The following NT5C3A variants were observed in gnomAD, a reference collection of about 807,000 sequenced individuals.
NT5C3A encodes the protein cytosolic 5'-nucleotidase 3A.
Under a neutral mutation model 40.0 loss-of-function variants are expected in NT5C3A, and 23 were observed. The observed-to-expected ratio is 0.58, with a 90% CI of 0.41 to 0.81. The LOEUF (loss-of-function observed/expected upper bound fraction) is 0.81. Ranked by LOEUF, NT5C3A falls within the 40% of genes least tolerant of loss-of-function variation. The pLI, the probability that NT5C3A is intolerant of heterozygous loss-of-function variation, is 0.00. For missense variants in NT5C3A, 328 were observed against 403.0 expected (o/e 0.81, Z 1.59); for synonymous variants, 130 against 141.4 (o/e 0.92, Z 0.57).
chr7:33,035,461 G>C (rs1488308537), intron 1 of NT5C3A, among the ~76,000 whole-genome samples: 2 of 152,090 alleles, frequency 1.3e-5, no homozygotes, highest in Admixed American at 6.5e-5. Flanking sequence ...CCAAAGTGCT[G>C]GGATTACAGG....
In NT5C3A at chr7:33,024,121, A is replaced by G. The variant is rs1785787420; in HGVS notation, c.238-13T>C. 7 of 1,476,142 alleles carry G rather than the reference A, an allele frequency of 4.7e-6. No individual in the cohort carries two copies. The highest frequency in any genetic ancestry group is 1.7e-5 in the Admixed American group (1 of 59,382). The allele number at this position is 1,476,142 out of a possible 1,614,324, so 91.4% of individuals were successfully genotyped here. On this transcript the variant is annotated splice_polypyrimidine_tract_variant and intron_variant, in intron 2 of 8. Transcript: ENST00000610140. ...AGTCCGTTATTATCTGTAAGAAAAG[A>G]GTGAAATGCATTATTGTAAACATAG...
intron 5 of NT5C3A, among the ~76,000 whole-genome samples, chr7:33,019,968 G>C (rs1785537017): frequency 6.6e-6 from 1 of 152,184 alleles, no homozygotes; most frequent in African/African-American, 2.4e-5. Flanking sequence ...GTAAGGTAAT[G>C]AAAGGAAACT....
At chr7:33,015,642 G>A (rs565429644) in intron 8 of NT5C3A, 28 bp downstream of exon 8, 12 of 1,467,426 alleles carry the variant, frequency 8.2e-6, no homozygotes, top group East Asian at 6.8e-5. Flanking sequence ...TATTTTCTTC[G>A]AAAAAAATTA....
intron 1 of NT5C3A, among the ~76,000 whole-genome samples, chr7:33,042,821 C>A (rs1256266143): frequency 6.6e-6 from 1 of 152,148 alleles, no homozygotes; most frequent in Non-Finnish European, 1.5e-5. Flanking sequence ...AGGACGTATA[C>A]TGCAAATTTG....
Position 33,021,286 on chromosome 7 carries a change from A to T in NT5C3A, c.426T>A (p.Pro142=). 1 of 1,612,514 alleles carries T rather than the reference A, an allele frequency of 6.2e-7. No individual in the cohort carries two copies. Among genetic ancestry groups the T allele is most frequent in the Non-Finnish European group, 8.5e-7 (1 of 1,178,944 alleles). The stretch of plus-strand genomic sequence containing the variant: ...TATACACTTACCATTCCACCATATA[A>T]GGGTACTTCTCTTCTACAGTAAGAA... The part of the protein sequence containing the change: ...DPVLTVEEKY[P]YMVEWYTKSH... The change falls in exon 5 of 9, where the codon CCT becomes CCA. Residue 142 remains proline, a synonymous_variant. Coordinates refer to ENST00000610140, the MANE Select transcript of NT5C3A (RefSeq NM_001002010.5).
At chr7:33,059,165 T>C (rs1465458886) in intron 1 of NT5C3A, among the ~76,000 whole-genome samples, 1 of 152,254 alleles carries the variant, frequency 6.6e-6, no homozygotes, top group African/African-American at 2.4e-5. Flanking sequence ...ATTGAGAGGC[T>C]AGACATTAGG....
At chr7:33,041,493 TA>T (rs1180005727) in intron 1 of NT5C3A, among the ~76,000 whole-genome samples, 2 of 151,824 alleles carry the variant, frequency 1.3e-5, no homozygotes, top group Non-Finnish European at 2.9e-5. Flanking sequence ...TTACCACTAT[TA>T]AAAAAAAGAT....
At chr7:33,035,137 A>G (rs1220706701) in intron 1 of NT5C3A, among the ~76,000 whole-genome samples, 1 of 152,018 alleles carries the variant, frequency 6.6e-6, no homozygotes, top group East Asian at 1.9e-4. Context: ...CCCATTTCTT[A>G]AAGGTAAGAT....
intron 1 of NT5C3A, among the ~76,000 whole-genome samples, chr7:33,031,466 T>C (rs1472108820): frequency 2.0e-5 from 3 of 151,852 alleles, no homozygotes; most frequent in African/African-American, 7.3e-5. Context: ...TGCACATCTG[T>C]AGTCCCAGAT....
rs776558761 is a variant in NT5C3A, at chr7:33,017,606, A to G, written c.531-5T>C. 5 of 1,609,350 alleles carry G rather than the reference A, an allele frequency of 3.1e-6. No individual in the cohort carries two copies. The highest frequency in any genetic ancestry group is 4.3e-6 in the Non-Finnish European group (5 of 1,175,654). On this transcript the variant is annotated splice_polypyrimidine_tract_variant and splice_region_variant and intron_variant, in intron 6 of 8. Coordinates refer to ENST00000610140, the MANE Select transcript of NT5C3A (RefSeq NM_001002010.5). ...AAGAAATTCTCATATCCTTCTCTGT[A>G]AGATGGAGATAACAAACTGGTTATT...
At chr7:33,033,684 G>A (rs961736668) in intron 1 of NT5C3A, among the ~76,000 whole-genome samples, 6 of 152,052 alleles carry the variant, frequency 3.9e-5, no homozygotes, top group Non-Finnish European at 5.9e-5. Flanking sequence ...AAGAGAAACA[G>A]GATTTAGATA....
At chr7:33,048,675 C>A (rs185448155) in intron 1 of NT5C3A, among the ~76,000 whole-genome samples, 18 of 152,258 alleles carry the variant, frequency 1.2e-4, no homozygotes. Context: ...GCCTCCAAGA[C>A]CCCCGGGTCA....
At chr7:33,028,226 A>G (rs924091261) in intron 1 of NT5C3A, among the ~76,000 whole-genome samples, 3 of 152,186 alleles carry the variant, frequency 2.0e-5, no homozygotes, top group Admixed American at 1.3e-4. Context: ...ACTGGAGCCC[A>G]GGAGTTTGAG....
intron 1 of NT5C3A, among the ~76,000 whole-genome samples, chr7:33,040,664 T>C (rs554269666): frequency 1.3e-5 from 2 of 152,340 alleles, no homozygotes; most frequent in Non-Finnish European, 2.9e-5. Context: ...ACATATAAAA[T>C]GTAATTTCTG....
chr7:33,057,922 C>G (rs1199967976), intron 1 of NT5C3A, among the ~76,000 whole-genome samples: 2 of 152,222 alleles, frequency 1.3e-5, no homozygotes, highest in Non-Finnish European at 2.9e-5. Flanking sequence ...ACTACACATT[C>G]ATTCTAGTGT....
chr7:33,046,993 C>CG (rs11382972), intron 1 of NT5C3A, among the ~76,000 whole-genome samples: 106,518 of 146,002 alleles, frequency 0.73, 39,206 homozygotes, highest in African/African-American at 0.81. Context: ...TTTTAAGAGT[C>CG]GGGTCTTGCT....
chr7:33,031,213 A>G (rs1191000105), intron 1 of NT5C3A, among the ~76,000 whole-genome samples: 2 of 152,124 alleles, frequency 1.3e-5, no homozygotes, highest in East Asian at 1.9e-4. Flanking sequence ...GGATAATCCT[A>G]ATTTCCAGGA....
chr7:33,059,677 T>C (rs1787703985), intron 1 of NT5C3A, among the ~76,000 whole-genome samples: 1 of 152,228 alleles, frequency 6.6e-6, no homozygotes, highest in Non-Finnish European at 1.5e-5. Context: ...AGAGGTTAAG[T>C]AATTTGCCCA....
At chr7:33,019,847 A>G (rs1324300623) in intron 5 of NT5C3A, 123 bp from the exon 6 acceptor site, 18 of 684,468 alleles carry the variant, frequency 2.6e-5, no homozygotes, top group Admixed American at 8.8e-5. Context: ...TAAATTTTAG[A>G]GATTGAAGTT....
Sources: allele counts gnomAD v4.1 joint callset (sites outside exome capture counted in the v4.1 genomes callset), GRCh38; gene constraint gnomAD v4.1.1; transcripts MANE v1.5; gene names NCBI Gene and HGNC (gene_info 2026-07-23, HGNC 2026-07-21).